HDAC9: variants seen among roughly 807,000 people sequenced by gnomAD.
The protein encoded by HDAC9 is MEF-2 interacting transcription repressor (MITR) protein.
Under a neutral mutation model 139.4 loss-of-function variants are expected in HDAC9, and 41 were observed. The observed-to-expected ratio is 0.29, with a 90% CI of 0.23 to 0.38. The LOEUF (loss-of-function observed/expected upper bound fraction) is 0.38. Among genes scored for constraint, HDAC9 ranks in the 10% least tolerant of loss-of-function variants. The pLI is 1.00. For synonymous variants in HDAC9, 517 were observed against 476.2 expected (o/e 1.09, Z -1.12); for missense variants, 1,147 against 1,297.0 (o/e 0.88, Z 1.78).
intron 1 of HDAC9, among the ~76,000 whole-genome samples, chr7:18,406,569 A>G (rs1365811826): frequency 1.3e-5 from 2 of 151,600 alleles, no homozygotes; most frequent in East Asian, 3.9e-4. Flanking sequence ...AATTTTTTGT[A>G]TTTTTAGTAG....
intron 1 of HDAC9, among the ~76,000 whole-genome samples, chr7:18,462,453 TTC>T (rs1793930804): frequency 6.6e-6 from 1 of 152,082 alleles, no homozygotes; most frequent in Non-Finnish European, 1.5e-5. Context: ...CATATTCTAG[TTC>T]TTAACCCCCA....
At chr7:18,624,075 C>G (rs544957129) in intron 6 of HDAC9, among the ~76,000 whole-genome samples, 2 of 152,310 alleles carry the variant, frequency 1.3e-5, no homozygotes, top group East Asian at 3.9e-4. Context: ...ATTATGTACA[C>G]AGTCACACAT....
intron 1 of HDAC9, among the ~76,000 whole-genome samples, chr7:18,302,050 A>G (rs960479962): frequency 2.0e-5 from 3 of 152,212 alleles, no homozygotes; most frequent in African/African-American, 7.2e-5. Context: ...TAAAATACTC[A>G]GGTGTTAAGA....
chr7:18,719,331 C>CTTTTTTTTT lies in HDAC9; in HGVS notation c.1732-8231_1732-8223dup, dbSNP rs757689693. ...CTAATTAACCTATTTTTTTCTCTTC[C>CTTTTTTTTT]TTTTTTTTTTTTTTTTTTTTTTTTT... On this transcript the variant is annotated intron_variant, in intron 12 of 25. Coordinates refer to ENST00000686413, the MANE Select transcript of HDAC9 (RefSeq NM_178425.4). Among the ~76,000 whole-genome samples the CTTTTTTTTT allele has an allele frequency of 4.0e-3, 298 of 73,888 alleles. 21 individuals carry two copies. Among genetic ancestry groups the CTTTTTTTTT allele is most frequent in the African/African-American group, 0.013 (192 of 15,190 alleles). The allele number at this position is 73,888 out of a possible 152,430, so 48.5% of individuals were successfully genotyped here. A position where few individuals can be genotyped will look rare whatever the true frequency, so the allele number is the denominator to read the frequency against.
chr7:18,100,467 T>C (rs1383356548), intron 1 of HDAC9, among the ~76,000 whole-genome samples: 5 of 152,144 alleles, frequency 3.3e-5, no homozygotes. Context: ...ATGCTCTGTT[T>C]GTTTATTTTT....
At chr7:18,913,170 C>A (rs1802888176) in intron 22 of HDAC9, among the ~76,000 whole-genome samples, 1 of 151,978 alleles carries the variant, frequency 6.6e-6, no homozygotes, top group Non-Finnish European at 1.5e-5. Flanking sequence ...GGCTAATTTC[C>A]ACGGTTGAAC....
chr7:18,582,401 G>A (rs1261718372), intron 2 of HDAC9, among the ~76,000 whole-genome samples: 2 of 152,142 alleles, frequency 1.3e-5, no homozygotes, highest in South Asian at 2.1e-4. Flanking sequence ...ATATGTGCTC[G>A]ATAAGGGCTG....
At chr7:18,376,594 A>T (rs1403691987) in intron 1 of HDAC9, among the ~76,000 whole-genome samples, 1 of 152,122 alleles carries the variant, frequency 6.6e-6, no homozygotes, top group East Asian at 1.9e-4. Flanking sequence ...CACCATATTG[A>T]TGCAGACTTC....
chr7:18,265,706 T>A (rs911705974), intron 2 of HDAC9, among the ~76,000 whole-genome samples: 2 of 151,894 alleles, frequency 1.3e-5, no homozygotes, highest in Non-Finnish European at 2.9e-5. Flanking sequence ...TCGAAAAAAA[T>A]TTAGGAGAGT....
intron 22 of HDAC9, among the ~76,000 whole-genome samples, chr7:18,935,495 G>A (rs1372271753): frequency 6.6e-6 from 1 of 152,132 alleles, no homozygotes; most frequent in Non-Finnish European, 1.5e-5. Context: ...CTGCTGAAGA[G>A]TATTCAGTTT....
chr7:18,606,027 CAA>C (rs1562548654), intron 6 of HDAC9, among the ~76,000 whole-genome samples: 1 of 152,132 alleles, frequency 6.6e-6, no homozygotes, highest in Non-Finnish European at 1.5e-5. Flanking sequence ...CAGCCTCCAG[CAA>C]TTCATGCCTC....
In HDAC9 at chr7:18,648,618, C is replaced by G; in HGVS notation, c.1402C>G (p.Gln468Glu). Residue 468 changes from glutamine (Q) to glutamate (E), a missense_variant, in exon 11 of 26, where the codon CAA becomes GAA. Physicochemically the swap from Gln to Glu is conservative, Grantham distance 29. Coordinates refer to ENST00000686413, the MANE Select transcript of HDAC9 (RefSeq NM_178425.4). ...PQSTLAQLVI[Q>E]QQHQQFLEKQ... is the part of the protein sequence containing the mutation. ...GAGCACGTTGGCTCAGCTGGTCATTCAACAGCAACACCAGCAATTCTTGGA... is the reference window on the plus strand; with the variant it reads ...GAGCACGTTGGCTCAGCTGGTCATTGAACAGCAACACCAGCAATTCTTGGA... 1.2e-6 allele frequency: 2 copies of G among 1,613,476 alleles called. No individual in the cohort carries two copies. The highest frequency in any genetic ancestry group is 1.7e-6 in the Non-Finnish European group (2 of 1,179,692).
chr7:18,175,362 G>C (rs1197021803), intron 2 of HDAC9, among the ~76,000 whole-genome samples: 2 of 152,302 alleles, frequency 1.3e-5, no homozygotes, highest in East Asian at 3.9e-4. Flanking sequence ...GGTACCATCT[G>C]TCATGGCTTC....
At chr7:18,716,540 G>A (rs1367181776) in intron 12 of HDAC9, among the ~76,000 whole-genome samples, 2 of 118,724 alleles carry the variant, frequency 1.7e-5, no homozygotes, top group Non-Finnish European at 3.2e-5. Flanking sequence ...AAAGCAACTA[G>A]TTTTCATATA....
At chr7:18,420,492 A>G (rs891171574) in intron 1 of HDAC9, among the ~76,000 whole-genome samples, 2 of 152,222 alleles carry the variant, frequency 1.3e-5, no homozygotes, top group African/African-American at 4.8e-5. Context: ...ACAGCATTGT[A>G]TCAGTGATAC....
At chr7:18,937,905 C>T (rs190290651) in intron 23 of HDAC9, among the ~76,000 whole-genome samples, 2 of 152,302 alleles carry the variant, frequency 1.3e-5, no homozygotes, top group East Asian at 3.9e-4. Context: ...TTGCTCTTAA[C>T]CCAACATTTC....
chr7:18,831,033 C>T (rs1795823047), intron 19 of HDAC9, among the ~76,000 whole-genome samples: 2 of 152,186 alleles, frequency 1.3e-5, no homozygotes, highest in South Asian at 2.1e-4. Flanking sequence ...TTAAGAAAAG[C>T]AGATAAAGAG....
intron 2 of HDAC9, among the ~76,000 whole-genome samples, chr7:18,552,126 C>T (rs184168219): frequency 2.7e-4 from 41 of 152,138 alleles, no homozygotes; most frequent in Admixed American, 1.7e-3. Flanking sequence ...CAAACTGTGA[C>T]AAATATATTG....
intron 25 of HDAC9, among the ~76,000 whole-genome samples, chr7:18,992,775 A>G (rs1786090929): frequency 6.6e-6 from 1 of 152,124 alleles, no homozygotes; most frequent in Admixed American, 6.6e-5. Context: ...AGGATATGAA[A>G]TCTTTGATTA....
Sources: gnomAD v4.1 joint callset for allele counts (sites outside exome capture counted in the v4.1 genomes callset) on GRCh38, gnomAD v4.1.1 for gene constraint, MANE v1.5 for transcripts, NCBI Gene and HGNC (gene_info 2026-07-23, HGNC 2026-07-21) for gene names.